NOL4L: variants seen among roughly 807,000 people sequenced by gnomAD.
The protein encoded by NOL4L is nucleolar protein 4-like.
Under a neutral mutation model 64.5 loss-of-function variants are expected in NOL4L, and 7 were observed. That is an observed-to-expected ratio of 0.11 (90% CI 0.06 to 0.20). The LOEUF is 0.20. Among genes scored for constraint, NOL4L ranks in the 10% least tolerant of loss-of-function variants. The pLI is 1.00. For missense variants in NOL4L, 680 were observed against 967.1 expected, an observed-to-expected ratio of 0.70 and a Z score of 3.94; for synonymous variants, 413 against 401.0, an observed-to-expected ratio of 1.03 and a Z score of -0.36.
chr20:32,529,499 G>A (rs1394061038), intron 1 of NOL4L, among the ~76,000 whole-genome samples: 6 of 152,332 alleles, frequency 3.9e-5, no homozygotes, highest in Admixed American at 6.5e-5. Flanking sequence ...GCCACACTGG[G>A]AGGTGACGCT....
At position 32,556,282 on chromosome 20, in the gene NOL4L, G is replaced by A. The variant is rs961704478; in HGVS notation, c.321+28288C>T. 2.1e-4 allele frequency among the ~76,000 whole-genome samples: 32 copies of A among 152,192 alleles called. 1 individual carries two copies. Among genetic ancestry groups the A allele is most frequent in the African/African-American group, 6.5e-4 (27 of 41,524 alleles). On this transcript the variant is annotated intron_variant, in intron 1 of 10. Coordinates refer to ENST00000621426, the MANE Select transcript of NOL4L (RefSeq NM_001256798.2). ...AGCAAATATTTCCTTTGTGGGGGGG[G>A]GGGGTTTCCCTGGAGCCCCTCAGCT...
chr20:32,527,111 G>C (rs183022966), intron 2 of NOL4L, among the ~76,000 whole-genome samples: 7 of 152,314 alleles, frequency 4.6e-5, no homozygotes, highest in Admixed American at 3.9e-4. Flanking sequence ...GGGCTCATCT[G>C]TGTCTGGCGG....
chr20:32,556,393 A>T (rs1010140855), intron 1 of NOL4L, among the ~76,000 whole-genome samples: 6 of 152,198 alleles, frequency 3.9e-5, no homozygotes, highest in African/African-American at 1.4e-4. Flanking sequence ...GCAAAAGACA[A>T]GGTGCCTCGT....
intron 4 of NOL4L, among the ~76,000 whole-genome samples, chr20:32,497,056 C>CAAAAAAAAAA (rs11167170): frequency 1.3e-5 from 1 of 76,800 alleles, no homozygotes; most frequent in African/African-American, 5.5e-5. Flanking sequence ...CTCCTACCCT[C>CAAAAAAAAAA]AAAAAAAAAA....
At chr20:32,537,107 A>T in intron 1 of NOL4L, 1 of 985,042 alleles carries the variant, frequency 1.0e-6, no homozygotes. Flanking sequence ...GGGCGGTACC[A>T]TTCGATCTTG....
intron 5 of NOL4L, among the ~76,000 whole-genome samples, chr20:32,469,361 AT>A (rs11476277): frequency 0.54 from 81,029 of 150,148 alleles, 24,169 homozygotes; most frequent in East Asian, 0.97. Flanking sequence ...TTATTTTTCT[AT>A]TTTTTTTTCT....
At chr20:32,561,117 C>T (rs1211795297) in intron 1 of NOL4L, 1 of 152,412 alleles carries the variant, frequency 6.6e-6, no homozygotes, top group African/African-American at 2.4e-5. Flanking sequence ...ACCTTTGTCA[C>T]CATCTCAAGG....
In NOL4L at chr20:32,580,668, G is replaced by A. The variant is rs563360882; in HGVS notation, c.321+3902C>T. On this transcript the variant is annotated intron_variant, in intron 1 of 10. Transcript: ENST00000621426. ...GATTCCTGGCATGTGGCAGGTCCAC[G>A]GAGAAGCTACAGCAGTGCACAGAGA... Among the ~76,000 whole-genome samples, 3 of 152,294 alleles carry A rather than the reference G, an allele frequency of 2.0e-5. No homozygotes were observed. In the South Asian group the frequency reaches 6.2e-4, roughly 32 times the overall value.
chr20:32,462,920 A>AAAAAAAAAAAAAAAAAAAAC (rs1568611890), intron 5 of NOL4L, among the ~76,000 whole-genome samples: 1 of 148,702 alleles, frequency 6.7e-6, no homozygotes, highest in Admixed American at 6.6e-5. Context: ...AAAAAAAAAA[A>AAAAAAAAAAAAAAAAAAAAC]AAACTGATTT....
intron 1 of NOL4L, among the ~76,000 whole-genome samples, chr20:32,537,592 A>C (rs1051936318): frequency 3.3e-5 from 5 of 152,140 alleles, no homozygotes; most frequent in African/African-American, 1.2e-4. Context: ...CAGGATACCA[A>C]CTACTGGGCT....
chr20:32,488,607 T>G (rs1203920867), intron 4 of NOL4L, among the ~76,000 whole-genome samples: 1 of 152,240 alleles, frequency 6.6e-6, no homozygotes, highest in East Asian at 1.9e-4. Flanking sequence ...CTCTTTTATC[T>G]CTGTCAATCT....
chr20:32,451,157 G>A (rs1175736580), intron 10 of NOL4L, among the ~76,000 whole-genome samples: 2 of 152,182 alleles, frequency 1.3e-5, no homozygotes, highest in East Asian at 3.8e-4. Context: ...GGGTTCCCCA[G>A]CTTACAGGTG....
intron 1 of NOL4L, among the ~76,000 whole-genome samples, chr20:32,528,134 C>T (rs2018205011): frequency 6.6e-6 from 1 of 152,126 alleles, no homozygotes; most frequent in South Asian, 2.1e-4. Context: ...CAGAGAACGG[C>T]GACAACGAAA....
At position 32,449,480 on chromosome 20, in the gene NOL4L, A is replaced by G. The variant is rs1418234318; in HGVS notation, c.1823-1664T>C. Among the ~76,000 whole-genome samples the G allele has an allele frequency of 1.3e-5, 2 of 152,272 alleles. 1 individual carries two copies. Among genetic ancestry groups the G allele is most frequent in the Non-Finnish European group, 2.9e-5 (2 of 68,048 alleles). ...GGTGCAGCCCCCAAATGGGGAAGGA[A>G]GCTGGAGTCTAAGATGGGACAGTTT... is the stretch of plus-strand genomic sequence containing the variant. On this transcript the variant is annotated intron_variant, in intron 10 of 10. Transcript: ENST00000621426.
chr20:32,524,112 A>G (rs994644545), intron 2 of NOL4L, among the ~76,000 whole-genome samples: 2 of 152,338 alleles, frequency 1.3e-5, no homozygotes, highest in East Asian at 1.9e-4. Flanking sequence ...AAAAGGAAGC[A>G]AAAGGGCTTG....
At chr20:32,579,003 G>T (rs1980301700) in intron 1 of NOL4L, among the ~76,000 whole-genome samples, 1 of 152,208 alleles carries the variant, frequency 6.6e-6, no homozygotes, top group South Asian at 2.1e-4. Context: ...GCCACCTCTT[G>T]GCTTCAGCCA....
At chr20:32,538,233 G>A (rs1749472296) in intron 1 of NOL4L, among the ~76,000 whole-genome samples, 1 of 152,222 alleles carries the variant, frequency 6.6e-6, no homozygotes, top group Non-Finnish European at 1.5e-5. Flanking sequence ...TGGCCTGGGA[G>A]AGCCTTTGGG....
intron 1 of NOL4L, among the ~76,000 whole-genome samples, chr20:32,540,493 T>G (rs1311204849): frequency 1.3e-5 from 2 of 152,128 alleles, no homozygotes; most frequent in African/African-American, 4.8e-5. Context: ...GCTTCACACA[T>G]GTACACGGGA....
chr20:32,579,773 C>A (rs2145626864), intron 1 of NOL4L, among the ~76,000 whole-genome samples: 1 of 152,294 alleles, frequency 6.6e-6, no homozygotes, highest in Non-Finnish European at 1.5e-5. Flanking sequence ...ACCCAAATCA[C>A]AACGTGTAAC....
Sources: gnomAD v4.1 joint callset for allele counts (sites outside exome capture counted in the v4.1 genomes callset) on GRCh38, gnomAD v4.1.1 for gene constraint, MANE v1.5 for transcripts, NCBI Gene and HGNC (gene_info 2026-07-23, HGNC 2026-07-21) for gene names.